PAIP2: variants seen among roughly 807,000 people sequenced by gnomAD.
The protein encoded by PAIP2 is polyadenylate-binding protein-interacting protein 2.
In PAIP2, 7 loss-of-function variants were observed where a neutral mutation model predicts 14.8. The ratio of observed to expected loss-of-function variants is 0.47; its 90% confidence interval spans 0.27 to 0.89. The LOEUF (loss-of-function observed/expected upper bound fraction) is 0.89, where lower values mean the gene tolerates loss of function less well. Ranked by LOEUF, PAIP2 falls within the 40% of genes least tolerant of loss-of-function variation. The probability of loss-of-function intolerance (pLI) is 0.13; values close to 1 mark genes in which losing one functional copy is unlikely to be tolerated. For missense variants in PAIP2, 122 were observed against 154.7 expected (o/e 0.79, Z 1.12); for synonymous variants, 47 against 45.3 (o/e 1.04, Z -0.15).
chr5:139,358,109 C>T (rs1048534949), intron 1 of PAIP2, among the ~76,000 whole-genome samples: 4 of 152,168 alleles, frequency 2.6e-5, no homozygotes, highest in Non-Finnish European at 4.4e-5. Context: ...TCTGGAGGCC[C>T]ACCTCAGACT....
intron 1 of PAIP2, among the ~76,000 whole-genome samples, chr5:139,362,130 T>A (rs773907981): frequency 8.5e-5 from 13 of 152,154 alleles, no homozygotes; most frequent in Non-Finnish European, 1.5e-4. Context: ...ATCCCTGGAC[T>A]TTTTGAAGTC....
chr5:139,362,492 C>G (rs1757098888), intron 1 of PAIP2, among the ~76,000 whole-genome samples: 1 of 150,074 alleles, frequency 6.7e-6, no homozygotes, highest in Non-Finnish European at 1.5e-5. Flanking sequence ...CTCACCACAG[C>G]CTCCGCCTCC....
At chr5:139,344,895 C>T (rs1414489529) in intron 1 of PAIP2, among the ~76,000 whole-genome samples, 2 of 151,940 alleles carry the variant, frequency 1.3e-5, no homozygotes, top group Non-Finnish European at 2.9e-5. Flanking sequence ...TAGTTAATGC[C>T]AATTGTTATG....
At chr5:139,359,081 C>A (rs533696259) in intron 1 of PAIP2, among the ~76,000 whole-genome samples, 4 of 152,144 alleles carry the variant, frequency 2.6e-5, no homozygotes, top group African/African-American at 9.6e-5. Flanking sequence ...CTAATATGAT[C>A]TTCCCACCTC....
At chr5:139,355,176 T>TC (rs1756871768) in intron 1 of PAIP2, among the ~76,000 whole-genome samples, 1 of 149,522 alleles carries the variant, frequency 6.7e-6, no homozygotes, top group African/African-American at 2.5e-5. Context: ...CTTTTTTTTT[T>TC]TTTTTTTTGG....
chr5:139,367,421 A>G (rs1757318411), intron 3 of PAIP2: 2 of 152,186 alleles, frequency 1.3e-5, no homozygotes, highest in Admixed American at 6.5e-5. Context: ...ATTTAGAGAC[A>G]TAGCATAACA....
At chr5:139,346,920 C>CT (rs1373154126) in intron 1 of PAIP2, among the ~76,000 whole-genome samples, 1 of 152,202 alleles carries the variant, frequency 6.6e-6, no homozygotes, top group Admixed American at 6.5e-5. Context: ...AGCAGTGCTC[C>CT]TGCCTCAGGC....
At chr5:139,347,718 T>C (rs1397598713) in intron 1 of PAIP2, among the ~76,000 whole-genome samples, 1 of 152,078 alleles carries the variant, frequency 6.6e-6, no homozygotes, top group Non-Finnish European at 1.5e-5. Flanking sequence ...ATTGTGCACA[T>C]GTACCCTAAA....
chr5:139,361,672 C>T (rs975663188), intron 1 of PAIP2, among the ~76,000 whole-genome samples: 13 of 152,028 alleles, frequency 8.6e-5, no homozygotes, highest in South Asian at 2.1e-4. Context: ...GGGCTGGGCG[C>T]GATGGCTCAT....
intron 1 of PAIP2, among the ~76,000 whole-genome samples, chr5:139,354,186 T>G (rs549389478): frequency 6.6e-6 from 1 of 152,346 alleles, no homozygotes; most frequent in African/African-American, 2.4e-5. Context: ...ACGACTCACT[T>G]TAGCTTTTCT....
At chr5:139,350,773 G>T (rs936646960) in intron 1 of PAIP2, among the ~76,000 whole-genome samples, 1 of 151,938 alleles carries the variant, frequency 6.6e-6, no homozygotes, top group Non-Finnish European at 1.5e-5. Flanking sequence ...CTAGATGAAA[G>T]GTTTGTGCTC....
chr5:139,359,888 CTT>C (rs1193362768), intron 1 of PAIP2, among the ~76,000 whole-genome samples: 2 of 151,892 alleles, frequency 1.3e-5, no homozygotes, highest in African/African-American at 4.8e-5. Context: ...AGGAGAATCT[CTT>C]GAACCAGGAG....
chr5:139,342,338 C>T (rs958277339), intron 1 of PAIP2: 2 of 152,176 alleles, frequency 1.3e-5, no homozygotes, highest in East Asian at 1.9e-4. Context: ...CCCCTGCCCC[C>T]CTCCCACCGC....
chr5:139,348,295 TCTC>T (rs1039050563), intron 1 of PAIP2, among the ~76,000 whole-genome samples: 16 of 151,736 alleles, frequency 1.1e-4, no homozygotes, highest in Non-Finnish European at 1.8e-4. Flanking sequence ...CTCGAGCAAT[TCTC>T]CTGCTTCAGC....
rs367546382 is a variant in PAIP2, at chr5:139,343,841, C to G, written c.-27+1861C>G. 7.3e-4 allele frequency among the ~76,000 whole-genome samples: 111 copies of G among 151,946 alleles called. 1 individual carries two copies. Among genetic ancestry groups the G allele is most frequent in the Admixed American group, 2.6e-3 (39 of 15,228 alleles). ...CAAGCGATTCTCCTGCCTCCGCCTC[C>G]CTAGTAGCTGGGACTACAGGCGCTT... On this transcript the variant is annotated intron_variant, in intron 1 of 3. Transcript: ENST00000265192.
At chr5:139,352,679 C>T (rs1224100021) in intron 1 of PAIP2, among the ~76,000 whole-genome samples, 1 of 149,330 alleles carries the variant, frequency 6.7e-6, no homozygotes, top group Non-Finnish European at 1.5e-5. Flanking sequence ...CCATGTTGGT[C>T]AGGCTGGTCT....
In PAIP2 at chr5:139,363,659, C is replaced by T; in HGVS notation, c.-26-100C>T. 5.9e-6 allele frequency: 6 copies of T among 1,023,280 alleles called. No homozygotes were observed. In the South Asian group the frequency reaches 9.8e-5, roughly 17 times the overall value. 63.4% of individuals were successfully genotyped at this position (1,023,280 alleles called of 1,614,324 possible). On this transcript the variant is annotated intron_variant, in intron 1 of 3. Transcript: ENST00000265192. ...TCGAGGCTGTGGTGAGCCATGATCA[C>T]ACCATTGCACTCCAGCCTGGATGAC...
chr5:139,354,960 C>T (rs1484055378), intron 1 of PAIP2, among the ~76,000 whole-genome samples: 1 of 151,604 alleles, frequency 6.6e-6, no homozygotes, highest in Non-Finnish European at 1.5e-5. Flanking sequence ...GCTGGGACTA[C>T]AGGCACGTGC....
chr5:139,358,445 CT>C (rs1466064554), intron 1 of PAIP2, among the ~76,000 whole-genome samples: 3 of 151,990 alleles, frequency 2.0e-5, no homozygotes. Context: ...AGTCAGCTAC[CT>C]TTTTTACTCA....
Sources: gnomAD v4.1 joint callset for allele counts (sites outside exome capture counted in the v4.1 genomes callset) on GRCh38, gnomAD v4.1.1 for gene constraint, MANE v1.5 for transcripts, NCBI Gene and HGNC (gene_info 2026-07-23, HGNC 2026-07-21) for gene names.